The following TDRD12 variants were observed in gnomAD, a reference collection of about 807,000 sequenced individuals.
TDRD12 encodes the protein tudor domain containing 12.
TDRD12 carries 158 observed loss-of-function variants against 133.5 expected under a neutral mutation model. The ratio of observed to expected loss-of-function variants is 1.18; its 90% CI spans 1.04 to 1.35. TDRD12 has a LOEUF of 1.35. Among genes scored for constraint, TDRD12 ranks in the 40% most tolerant of loss-of-function variants. The probability of loss-of-function intolerance (pLI) is 0.00; values close to 1 mark genes in which losing one functional copy is unlikely to be tolerated. For synonymous variants in TDRD12, 460 were observed against 477.9 expected (o/e 0.96, Z 0.49); for missense variants, 1,443 against 1,321.3 (o/e 1.09, Z -1.43).
intron 22 of TDRD12, among the ~76,000 whole-genome samples, chr19:32,808,012 C>A (rs146578058): frequency 6.6e-5 from 10 of 152,062 alleles, no homozygotes; most frequent in African/African-American, 2.4e-4. Context: ...TCACTTGAGG[C>A]CAGGAGTTCA....
At chr19:32,743,768 C>T (rs1370745116) in intron 4 of TDRD12, among the ~76,000 whole-genome samples, 1 of 152,096 alleles carries the variant, frequency 6.6e-6, no homozygotes, top group Non-Finnish European at 1.5e-5. Context: ...GTGGCTTACA[C>T]CTGTAATTCC....
rs566017795 is a variant in TDRD12 at position 32,736,431 on chromosome 19, C to T, written c.184-2425C>T. 2.0e-5 allele frequency among the ~76,000 whole-genome samples: 3 copies of T among 152,250 alleles called. No individual in the cohort carries two copies. The South Asian group carries it at 6.2e-4, about 32-fold the overall frequency. On this transcript the variant is annotated intron_variant, in intron 2 of 27. Coordinates refer to ENST00000444215, the Ensembl canonical transcript of TDRD12. ...ACAATTAGTGCTCATTGACAGTGCA[C>T]CTGGTCACTGAAGAGCTCTCATGGA...
chr19:32,804,263 G>A (rs1021810496), intron 21 of TDRD12, among the ~76,000 whole-genome samples: 2 of 151,330 alleles, frequency 1.3e-5, no homozygotes, highest in African/African-American at 4.9e-5. Flanking sequence ...TAGTAGATAT[G>A]GGGTTTCACC....
exon 17 of TDRD12, chr19:32,800,356 C>A: frequency 6.6e-7 from 1 of 1,509,406 alleles, no homozygotes; most frequent in South Asian, 1.3e-5. Context: ...CAATGTCCAA[C>A]AGGTAACTTT....
At chr19:32,742,951 A>G (rs1969478237) in intron 4 of TDRD12, 51 bp downstream of exon 4, 3 of 1,545,272 alleles carry the variant, frequency 1.9e-6, no homozygotes, top group Non-Finnish European at 2.6e-6. Flanking sequence ...GCCTTCTATC[A>G]AGTGCACGAT....
intron 10 of TDRD12, among the ~76,000 whole-genome samples, chr19:32,776,293 CTT>C (rs1568471282): frequency 6.6e-6 from 1 of 152,186 alleles, no homozygotes; most frequent in African/African-American, 2.4e-5. Context: ...CTCACGCAGT[CTT>C]TGGACCACAG....
At chr19:32,756,044 C>T (rs967385364) in exon 7 of TDRD12, 6 of 1,477,032 alleles carry the variant, frequency 4.1e-6, no homozygotes, top group Non-Finnish European at 5.3e-6. Context: ...TATATGTCAC[C>T]TACAAAGAAT....
chr19:32,731,650 G>T, intron 1 of TDRD12, 75 bp from the exon 2 acceptor site: 3 of 1,296,968 alleles, frequency 2.3e-6, no homozygotes, highest in South Asian at 3.6e-5. Flanking sequence ...AACAGTAATC[G>T]TGGCTCTAAA....
intron 8 of TDRD12, among the ~76,000 whole-genome samples, chr19:32,766,380 A>G (rs1431543456): frequency 6.6e-6 from 1 of 152,182 alleles, no homozygotes; most frequent in Non-Finnish European, 1.5e-5. Context: ...CAAACAATCC[A>G]GTTACATCTT....
chr19:32,723,406 A>G (rs1157831839), intron 1 of TDRD12, among the ~76,000 whole-genome samples: 2 of 152,008 alleles, frequency 1.3e-5, no homozygotes, highest in African/African-American at 4.8e-5. Context: ...GCCCGCCACC[A>G]TGCCCGGCTA....
At chr19:32,757,648 C>G (rs1176779455) in intron 8 of TDRD12, among the ~76,000 whole-genome samples, 1 of 152,142 alleles carries the variant, frequency 6.6e-6, no homozygotes, top group East Asian at 1.9e-4. Context: ...TCCAGGAAGG[C>G]CTCACTTCAT....
rs567381702 is a variant in TDRD12 at position 32,746,050 on chromosome 19, G to A, written c.441-2426G>A. 9.3e-5 allele frequency among the ~76,000 whole-genome samples: 14 copies of A among 150,806 alleles called. No individual in the cohort carries two copies. In the East Asian group the frequency reaches 2.7e-3, roughly 30 times the overall value. ...TGATGTGGTTATTCTGTGTGTGTGA[G>A]AGAGAGAGTCTGGCTGATGTGGTTA... On this transcript the variant is annotated intron_variant, in intron 4 of 27. Coordinates refer to ENST00000444215, the Ensembl canonical transcript of TDRD12.
At chr19:32,815,047 C>CCAGAA (rs1967128058) in intron 25 of TDRD12, among the ~76,000 whole-genome samples, 1 of 152,224 alleles carries the variant, frequency 6.6e-6, no homozygotes, top group Non-Finnish European at 1.5e-5. Flanking sequence ...GATTCAGGTC[C>CCAGAA]TTGGCTTAGG....
At chr19:32,786,083 A>G (rs1344034720) in intron 11 of TDRD12, among the ~76,000 whole-genome samples, 2 of 152,146 alleles carry the variant, frequency 1.3e-5, no homozygotes, top group African/African-American at 4.8e-5. Flanking sequence ...GTTCCTATCC[A>G]TGTTTAGTAC....
At chr19:32,747,526 A>C (rs149316489) in intron 4 of TDRD12, among the ~76,000 whole-genome samples, 1 of 152,312 alleles carries the variant, frequency 6.6e-6, no homozygotes, top group African/African-American at 2.4e-5. Flanking sequence ...GAAACATAGA[A>C]CATCATTCTG....
At chr19:32,789,928 G>C (rs1971019822) in intron 11 of TDRD12, among the ~76,000 whole-genome samples, 1 of 152,008 alleles carries the variant, frequency 6.6e-6, no homozygotes, top group African/African-American at 2.4e-5. Flanking sequence ...CTTGAACCTG[G>C]GAGGCGGATG....
Position 32,745,999 on chromosome 19 carries a change from T to A in TDRD12, c.441-2477T>A, listed in dbSNP as rs537047042. On this transcript the variant is annotated intron_variant, in intron 4 of 27. Coordinates refer to ENST00000444215, the Ensembl canonical transcript of TDRD12. Reference sequence around the variant, plus strand: ...TGGTCATTCTGTGTGTGTGTGTGTGTGAGAGAGAGAAGGAGAGAGACTGGC... The same window carrying A: ...TGGTCATTCTGTGTGTGTGTGTGTGAGAGAGAGAGAAGGAGAGAGACTGGC... Among the ~76,000 whole-genome samples the A allele has an allele frequency of 1.2e-3, 141 of 115,406 alleles. 1 individual carries two copies. The highest frequency in any genetic ancestry group is 7.1e-3 in the Middle Eastern group (1 of 140). 75.7% of individuals were successfully genotyped at this position (115,406 alleles called of 152,430 possible). A position where few individuals can be genotyped will look rare whatever the true frequency, so the allele number is the denominator to read the frequency against.
At chr19:32,779,184 A>G (rs1970691608) in intron 11 of TDRD12, among the ~76,000 whole-genome samples, 1 of 152,080 alleles carries the variant, frequency 6.6e-6, no homozygotes. Flanking sequence ...CGCATCCCCA[A>G]ACCTCACTTG....
chr19:32,819,073 T>G (rs1344815256), intron 27 of TDRD12, among the ~76,000 whole-genome samples: 2 of 152,072 alleles, frequency 1.3e-5, no homozygotes, highest in Non-Finnish European at 2.9e-5. Flanking sequence ...TCCCAGCACT[T>G]TGGGAGGCCG....
Sources: gnomAD v4.1 joint callset for allele counts (sites outside exome capture counted in the v4.1 genomes callset) on GRCh38, gnomAD v4.1.1 for gene constraint, MANE v1.5 for transcripts, NCBI Gene and HGNC (gene_info 2026-07-23, HGNC 2026-07-21) for gene names.